The following SUPT3H variants were observed in gnomAD, a reference collection of about 807,000 sequenced individuals.
The protein encoded by SUPT3H is transcription initiation protein SPT3 homolog.
SUPT3H carries 44 observed loss-of-function variants against 44.3 expected under a neutral mutation model. The observed-to-expected ratio is 0.99, with a 90% CI of 0.78 to 1.28. The LOEUF is 1.28. Ranked by LOEUF, SUPT3H falls within the 50% of genes most tolerant of loss-of-function variation. The probability of loss-of-function intolerance (pLI) is 0.00; values close to 1 mark genes in which losing one functional copy is unlikely to be tolerated. For synonymous variants in SUPT3H, 124 were observed against 125.6 expected (o/e 0.99, Z 0.09); for missense variants, 380 against 387.1 (o/e 0.98, Z 0.15).
Position 44,836,163 on chromosome 6 carries a change from T to C in SUPT3H, c.913-6306A>G, listed in dbSNP as rs553614005. ...ACTCTTAAAATCAAAGTGGGAATCA[T>C]GGCTGAATTTCATTAGCAAACATAA... On this transcript the variant is annotated intron_variant, in intron 10 of 10. Transcript: ENST00000371459. 2.6e-5 allele frequency among the ~76,000 whole-genome samples: 4 copies of C among 152,314 alleles called. No homozygotes were observed. In the South Asian group the frequency reaches 6.2e-4, roughly 24 times the overall value.
chr6:44,842,813 G>A (rs1771197053), intron 10 of SUPT3H, among the ~76,000 whole-genome samples: 1 of 151,482 alleles, frequency 6.6e-6, no homozygotes, highest in Admixed American at 6.6e-5. Context: ...AGATTATGGT[G>A]GTGACTATGA....
chr6:44,906,141 T>C (rs1278574872), intron 10 of SUPT3H, among the ~76,000 whole-genome samples: 1 of 152,200 alleles, frequency 6.6e-6, no homozygotes, highest in Non-Finnish European at 1.5e-5. Context: ...ACCTGCACAT[T>C]GTGCACATGT....
In SUPT3H at chr6:45,313,060, A is replaced by C. The variant is rs537270412; in HGVS notation, c.101+52141T>G. ...GAGCACTGGATCAAAAATGAAATCA[A>C]AATGAAAATTAAAAAATTCTTCGAA... On this transcript the variant is annotated intron_variant, in intron 2 of 10. Transcript: ENST00000371459. Among the ~76,000 whole-genome samples, 5 of 152,326 alleles carry C rather than the reference A, an allele frequency of 3.3e-5. No homozygotes were observed. The South Asian group carries it at 8.3e-4, about 25-fold the overall frequency.
chr6:44,934,887 A>G (rs1194017362), intron 9 of SUPT3H, among the ~76,000 whole-genome samples: 1 of 152,220 alleles, frequency 6.6e-6, no homozygotes, highest in African/African-American at 2.4e-5. Context: ...AGTTAGAAAA[A>G]TTTTGTGACT....
chr6:45,017,208 T>A (rs1449241904), intron 4 of SUPT3H, among the ~76,000 whole-genome samples: 3 of 150,788 alleles, frequency 2.0e-5, no homozygotes, highest in Non-Finnish European at 4.5e-5. Context: ...TTTTTTCTTG[T>A]AAATTTGTTT....
At chr6:45,188,524 T>A (rs1402474622) in intron 2 of SUPT3H, among the ~76,000 whole-genome samples, 1 of 152,154 alleles carries the variant, frequency 6.6e-6, no homozygotes, top group African/African-American at 2.4e-5. Context: ...GTTTAATGCA[T>A]CCACTGGGGG....
intron 6 of SUPT3H, among the ~76,000 whole-genome samples, chr6:44,979,845 G>A (rs1778849234): frequency 6.6e-6 from 1 of 152,128 alleles, no homozygotes; most frequent in Non-Finnish European, 1.5e-5. Context: ...AAACAGATTG[G>A]AATTATTAAG....
intron 2 of SUPT3H, among the ~76,000 whole-genome samples, chr6:45,139,545 C>T (rs950910832): frequency 2.9e-5 from 3 of 103,094 alleles, no homozygotes; most frequent in Non-Finnish European, 1.9e-5. Flanking sequence ...GCAGATTCCA[C>T]GAGACAGGAG....
At chr6:45,176,261 G>A (rs1248360936) in intron 2 of SUPT3H, among the ~76,000 whole-genome samples, 3 of 151,838 alleles carry the variant, frequency 2.0e-5, no homozygotes, top group Non-Finnish European at 2.9e-5. Context: ...TGCCTCACCT[G>A]GGAAGCGCGA....
At chr6:45,069,891 C>G (rs1794106359) in intron 3 of SUPT3H, among the ~76,000 whole-genome samples, 1 of 152,030 alleles carries the variant, frequency 6.6e-6, no homozygotes, top group African/African-American at 2.4e-5. Flanking sequence ...CTCCCTTCCA[C>G]TGATATAAAT....
At chr6:45,291,583 A>C (rs1017072400) in intron 2 of SUPT3H, among the ~76,000 whole-genome samples, 2 of 152,236 alleles carry the variant, frequency 1.3e-5, no homozygotes, top group Non-Finnish European at 2.9e-5. Flanking sequence ...ATATTCAGGG[A>C]AACAGTATAA....
intron 2 of SUPT3H, among the ~76,000 whole-genome samples, chr6:45,296,184 C>CAACACACACACACACACA (rs1562899662): frequency 1.4e-5 from 1 of 69,254 alleles, no homozygotes; most frequent in Non-Finnish European, 3.5e-5. Context: ...CATACACATA[C>CAACACACACACACACACA]TACACACACA....
At chr6:45,096,503 T>G (rs1449516640) in intron 3 of SUPT3H, among the ~76,000 whole-genome samples, 3 of 151,988 alleles carry the variant, frequency 2.0e-5, no homozygotes, top group African/African-American at 7.2e-5. Context: ...TGGAAGAAGG[T>G]GAAATTACTT....
At chr6:45,335,733 C>G (rs553626998) in intron 2 of SUPT3H, among the ~76,000 whole-genome samples, 1 of 151,154 alleles carries the variant, frequency 6.6e-6, no homozygotes, top group East Asian at 1.9e-4. Flanking sequence ...ATTAAGACAC[C>G]ATGAAGTAAT....
At chr6:45,110,238 G>A (rs9381365) in intron 2 of SUPT3H, among the ~76,000 whole-genome samples, 87,934 of 151,966 alleles carry the variant, frequency 0.58, 26,252 homozygotes, top group African/African-American at 0.73. Flanking sequence ...TAGGGCAACT[G>A]ACTCTGCAAT....
At chr6:45,254,170 A>G (rs1249674015) in intron 2 of SUPT3H, among the ~76,000 whole-genome samples, 1 of 152,142 alleles carries the variant, frequency 6.6e-6, no homozygotes. Flanking sequence ...CTAGCATTTT[A>G]GAGATATTTC....
chr6:44,914,192 A>C (rs1767477044), intron 10 of SUPT3H, among the ~76,000 whole-genome samples: 1 of 152,212 alleles, frequency 6.6e-6, no homozygotes, highest in Non-Finnish European at 1.5e-5. Context: ...TTACCTAGTC[A>C]CCTAAAAGCC....
intron 10 of SUPT3H, among the ~76,000 whole-genome samples, chr6:44,844,046 T>A (rs1007994000): frequency 6.6e-6 from 1 of 152,000 alleles, no homozygotes; most frequent in South Asian, 2.1e-4. Flanking sequence ...TTGGCACAGA[T>A]AGAAATGCAG....
At chr6:44,956,229 A>G (rs907334864) in intron 7 of SUPT3H, among the ~76,000 whole-genome samples, 3 of 151,930 alleles carry the variant, frequency 2.0e-5, no homozygotes, top group Admixed American at 6.6e-5. Context: ...TCACGCCTGT[A>G]ATCCCAGCAC....
Sources: gnomAD v4.1 joint callset for allele counts (sites outside exome capture counted in the v4.1 genomes callset) on GRCh38, gnomAD v4.1.1 for gene constraint, MANE v1.5 for transcripts, NCBI Gene and HGNC (gene_info 2026-07-23, HGNC 2026-07-21) for gene names.